The following MRTFA variants were observed in gnomAD, a reference collection of about 807,000 sequenced individuals.
The protein encoded by MRTFA is myocardin-related transcription factor A.
MRTFA carries 20 observed loss-of-function variants against 83.5 expected under a neutral mutation model. The ratio of observed to expected loss-of-function variants is 0.24; its 90% CI spans 0.17 to 0.35. The LOEUF is 0.35. Ranked by LOEUF, MRTFA falls within the 10% of genes least tolerant of loss-of-function variation. The pLI, the probability that MRTFA is intolerant of heterozygous loss-of-function variation, is 1.00. For synonymous variants in MRTFA, 659 were observed against 541.2 expected (o/e 1.22, Z -3.02); for missense variants, 1,200 against 1,224.7 (o/e 0.98, Z 0.30).
intron 3 of MRTFA, among the ~76,000 whole-genome samples, chr22:40,489,887 G>A (rs926072855): frequency 6.2e-5 from 9 of 146,298 alleles, no homozygotes; most frequent in Non-Finnish European, 8.9e-5. Flanking sequence ...GCTGAGGCAA[G>A]AGAATCGCTT....
At position 40,540,586 on chromosome 22, in the gene MRTFA, C is replaced by T. The variant is rs150452042; in HGVS notation, c.241+11520G>A. On this transcript the variant is annotated intron_variant, in intron 3 of 14. Transcript: ENST00000355630. ...GGGTGGATCAGGGGTTCGAGACCAA[C>T]CTGACCAACATGGTGAAACCCCATC... 4.6e-3 allele frequency among the ~76,000 whole-genome samples: 693 copies of T among 152,108 alleles called. 6 individuals carry two copies. Among genetic ancestry groups the T allele is most frequent in the African/African-American group, 0.016 (654 of 41,502 alleles).
rs2052680095 is a variant in MRTFA, at chr22:40,416,410, G to T, written c.2578+576C>A. Reference sequence around the variant, plus strand: ...TCCTGCATCAGACCAGGCCTTTTCTGCTCAAGGCTGTGCGATGGCTTCCCA... The same window carrying T: ...TCCTGCATCAGACCAGGCCTTTTCTTCTCAAGGCTGTGCGATGGCTTCCCA... On this transcript the variant is annotated intron_variant, in intron 14 of 14. Coordinates refer to ENST00000355630, the MANE Select transcript of MRTFA (RefSeq NM_020831.6). This position sits in a 1 kb window ranked among gnomAD's most constrained non-coding sequence, Gnocchi z 4.2. 6.6e-6 allele frequency among the ~76,000 whole-genome samples: 1 copy of T among 152,208 alleles called. No homozygotes were observed. Among genetic ancestry groups the T allele is most frequent in the Non-Finnish European group, 1.5e-5 (1 of 68,028 alleles).
rs984303974 is a variant in MRTFA, at chr22:40,410,837, C to T, written c.*553G>A. 4.3e-6 allele frequency: 1 copy of T among 232,854 alleles called. No homozygotes were observed. Among genetic ancestry groups the T allele is most frequent in the Non-Finnish European group, 8.5e-6 (1 of 118,006 alleles). The allele number at this position is 232,854 out of a possible 1,614,324, so 14.4% of individuals were successfully genotyped here. A position where few individuals can be genotyped will look rare whatever the true frequency, so the allele number is the denominator to read the frequency against. On this transcript the variant is annotated 3_prime_UTR_variant, in exon 15 of 15. Transcript: ENST00000355630. The stretch of plus-strand genomic sequence containing the variant: ...TAATATAGAGGTATATACACCTGTA[C>T]ATAAAATTGTTGCCACCAACCACTA...
intron 4 of MRTFA, among the ~76,000 whole-genome samples, chr22:40,457,183 G>A (rs2053599233): frequency 1.3e-5 from 2 of 152,096 alleles, no homozygotes; most frequent in South Asian, 4.1e-4. Context: ...TGGCCAACAT[G>A]GCGAAACCAC....
At chr22:40,563,178 C>T (rs901445504) in intron 2 of MRTFA, among the ~76,000 whole-genome samples, 2 of 152,122 alleles carry the variant, frequency 1.3e-5, no homozygotes, top group Non-Finnish European at 2.9e-5. Context: ...ACCAGTTATG[C>T]GGCTCTTTAC....
At chr22:40,561,505 A>G (rs1221716528) in intron 2 of MRTFA, among the ~76,000 whole-genome samples, 1 of 151,796 alleles carries the variant, frequency 6.6e-6, no homozygotes, top group Non-Finnish European at 1.5e-5. Context: ...AAAAAAAAAA[A>G]AAGTTACTGT....
intron 14 of MRTFA, among the ~76,000 whole-genome samples, chr22:40,413,158 AAAAAAAG>A: frequency 6.7e-6 from 1 of 150,322 alleles, no homozygotes; most frequent in Non-Finnish European, 1.5e-5. Flanking sequence ...AAAAAAAAAA[AAAAAAAG>A]GTTATGATGG....
chr22:40,453,248 A>G (rs1255182349), intron 4 of MRTFA, among the ~76,000 whole-genome samples: 1 of 152,248 alleles, frequency 6.6e-6, no homozygotes, highest in African/African-American at 2.4e-5. Flanking sequence ...TTACACAGTC[A>G]CATTCCTGTA....
intron 3 of MRTFA, among the ~76,000 whole-genome samples, chr22:40,473,086 T>C (rs1337067742): frequency 6.6e-6 from 1 of 151,988 alleles, no homozygotes; most frequent in Non-Finnish European, 1.5e-5. Flanking sequence ...CTAAATTTAA[T>C]GCATACGATA....
intron 3 of MRTFA, among the ~76,000 whole-genome samples, chr22:40,519,962 C>A (rs1223535892): frequency 6.6e-6 from 1 of 152,196 alleles, no homozygotes; most frequent in Non-Finnish European, 1.5e-5. Flanking sequence ...CTTTATTGAA[C>A]TTCAATTCAG....
At position 40,593,145 on chromosome 22, in the gene MRTFA, G is replaced by A. The variant is rs537937398; in HGVS notation, c.-22+1529C>T. On this transcript the variant is annotated intron_variant, in intron 2 of 14. Transcript: ENST00000355630. ...TTTCAAACCCGCCAGTCTCCACCCT[G>A]CCTTTGGCTAATCAGTAGCAAGCCC... Among the ~76,000 whole-genome samples the A allele has an allele frequency of 5.9e-5, 9 of 152,168 alleles. No homozygotes were observed. The South Asian group carries it at 1.9e-3, about 32-fold the overall frequency.
chr22:40,603,387 T>A (rs1057236726), intron 1 of MRTFA, among the ~76,000 whole-genome samples: 1 of 152,224 alleles, frequency 6.6e-6, no homozygotes, highest in East Asian at 1.9e-4. Context: ...GAAAAACTTA[T>A]CTCTGACATA....
chr22:40,587,082 C>A, intron 2 of MRTFA: 1 of 451,840 alleles, frequency 2.2e-6, no homozygotes, highest in South Asian at 1.6e-5. Flanking sequence ...CCCCAGGACT[C>A]TACGATGAAT....
intron 3 of MRTFA, among the ~76,000 whole-genome samples, chr22:40,494,992 C>A (rs142281756): frequency 1.6e-4 from 24 of 151,496 alleles, no homozygotes; most frequent in Admixed American, 4.6e-4. Flanking sequence ...GAACTGTACC[C>A]CTAAAAAAGT....
At chr22:40,496,696 T>C (rs1485255034) in intron 3 of MRTFA, among the ~76,000 whole-genome samples, 2 of 144,652 alleles carry the variant, frequency 1.4e-5, no homozygotes, top group Non-Finnish European at 3.0e-5. Flanking sequence ...CAGGAGAGAG[T>C]AGAAGCACAG....
chr22:40,567,964 A>C (rs567193259), intron 2 of MRTFA, among the ~76,000 whole-genome samples: 1 of 152,346 alleles, frequency 6.6e-6, no homozygotes, highest in East Asian at 1.9e-4. Flanking sequence ...TCTTGAGCAA[A>C]TATTTTTAAA....
chr22:40,432,942 C>T (rs2053099195), intron 5 of MRTFA, among the ~76,000 whole-genome samples: 1 of 152,178 alleles, frequency 6.6e-6, no homozygotes, highest in South Asian at 2.1e-4. Flanking sequence ...GAAGCTCTGA[C>T]CAGTGGCCAT....
chr22:40,418,025 C>T (rs566986970), intron 12 of MRTFA, among the ~76,000 whole-genome samples: 21 of 152,226 alleles, frequency 1.4e-4, no homozygotes, highest in South Asian at 4.1e-4. Context: ...AGCCTCTCCC[C>T]GGGGCAGGCT....
chr22:40,490,232 T>C (rs1260527515), intron 3 of MRTFA, among the ~76,000 whole-genome samples: 1 of 152,200 alleles, frequency 6.6e-6, no homozygotes, highest in Non-Finnish European at 1.5e-5. Context: ...AATGTTGCCA[T>C]GGTGTTTCTT....
Sources: allele counts gnomAD v4.1 joint callset (sites outside exome capture counted in the v4.1 genomes callset), GRCh38; gene constraint gnomAD v4.1.1; non-coding constraint Gnocchi (gnomAD v3.1); transcripts MANE v1.5; gene names NCBI Gene and HGNC (gene_info 2026-07-23, HGNC 2026-07-21).